GPR107: variants seen among roughly 807,000 people sequenced by gnomAD.
The protein encoded by GPR107 is G protein-coupled receptor 107.
A neutral mutation model predicts 75.5 loss-of-function variants in GPR107; 31 were observed. The observed-to-expected ratio is 0.41, with a 90% CI of 0.31 to 0.55. The LOEUF is 0.55. GPR107 is among the 20% of genes least tolerant of loss of function. GPR107 has a pLI of 0.26. For synonymous variants in GPR107, 267 were observed against 251.3 expected (o/e 1.06, Z -0.59); for missense variants, 572 against 665.7 (o/e 0.86, Z 1.55).
At chr9:130,101,043 A>G (rs1388673628) in intron 11 of GPR107, 63 bp from the exon 12 acceptor site, 23 of 928,356 alleles carry the variant, frequency 2.5e-5, no homozygotes, top group Non-Finnish European at 2.7e-5. Flanking sequence ...GAGCTATGCA[A>G]TCTAACTGGC....
Position 130,139,950 on chromosome 9 carries a change from AG to A in GPR107, c.*4832del, listed in dbSNP as rs77230245. ...ATCCAGAAATAGTTTCGTTTGAGGG[AG>A]GGCTTGCAGGTCTGTAAATAGCATT... is the stretch of plus-strand genomic sequence containing the variant. On this transcript the variant is annotated 3_prime_UTR_variant, in exon 18 of 18. Coordinates refer to ENST00000347136, the MANE Select transcript of GPR107 (RefSeq NM_020960.5). 6.6e-6 allele frequency: 1 copy of A among 152,182 alleles called. No individual in the cohort carries two copies. Among genetic ancestry groups the A allele is most frequent in the East Asian group, 1.9e-4 (1 of 5,194 alleles). The allele number at this position is 152,182 out of a possible 1,614,324, so 9.4% of individuals were successfully genotyped here.
chr9:130,077,787 G>A (rs1372521170), intron 4 of GPR107, among the ~76,000 whole-genome samples: 2 of 152,126 alleles, frequency 1.3e-5, no homozygotes, highest in East Asian at 1.9e-4. Flanking sequence ...CTGTGACTCC[G>A]GGCCTCAGTG....
At position 130,075,289 on chromosome 9, in the gene GPR107, A is replaced by G. The variant is rs147319216; in HGVS notation, c.142-347A>G. Among the ~76,000 whole-genome samples the G allele has an allele frequency of 7.7e-4, 106 of 136,988 alleles. 1 individual carries two copies. The highest frequency in any genetic ancestry group is 7.6e-3 in the East Asian group (36 of 4,764). 89.9% of individuals were successfully genotyped at this position (136,988 alleles called of 152,430 possible). On this transcript the variant is annotated intron_variant, in intron 1 of 17. Transcript: ENST00000347136. ...AGACAGAGTCTTGCTCCGTCACCCA[A>G]GCTAGAGTGCAGTGGCATGATCTCG...
In GPR107 at chr9:130,054,060, A is replaced by G. The variant is rs1270439363; in HGVS notation, c.128A>G (p.His43Arg). 4.5e-6 allele frequency: 7 copies of G among 1,552,644 alleles called. No individual in the cohort carries two copies. Among genetic ancestry groups the G allele is most frequent in the Non-Finnish European group, 6.1e-6 (7 of 1,148,038 alleles). ...LAEPGLGRVH[H>R]LALKDDVRHK... ...GAGCCTGGCCTGGGCCGCGTCCATC[A>G]CCTGGCACTCAAGGTAAAGCTTGGC... The change falls in exon 1 of 18, where the codon CAC (histidine) becomes CGC (arginine). Residue 43 changes from histidine (H) to arginine (R), a missense_variant. His to Arg is a conservative substitution (Grantham distance 29, BLOSUM62 0). Coordinates refer to ENST00000347136, the MANE Select transcript of GPR107 (RefSeq NM_020960.5).
Position 130,101,121 on chromosome 9 carries a change from A to G in GPR107, c.1029A>G (p.Leu343=). The G allele has an allele frequency of 3.1e-6, 5 of 1,601,230 alleles. No homozygotes were observed. Among genetic ancestry groups the G allele is most frequent in the Admixed American group, 1.7e-5 (1 of 59,976 alleles). The change falls in exon 12 of 18, where the codon CTA becomes CTG. Residue 343 remains leucine, a synonymous_variant. Coordinates refer to ENST00000347136, the MANE Select transcript of GPR107 (RefSeq NM_020960.5). ...TCTCTTCCAGTTTGAAAGGGGCGCT[A>G]CTCTTCATCACCATTGCACTCATTG... ...YYITHLLKGA[L]LFITIALIGT...
Position 130,139,680 on chromosome 9 carries a change from GA to G in GPR107, c.*4561del, listed in dbSNP as rs1832050242. On this transcript the variant is annotated 3_prime_UTR_variant, in exon 18 of 18. Coordinates refer to ENST00000347136, the MANE Select transcript of GPR107 (RefSeq NM_020960.5). ...GTTCTGGGCAGAGTCAGAATGGTCA[GA>G]ATGAAACAGAACAGCCAACTCACCC... 6.6e-6 allele frequency: 1 copy of G among 152,192 alleles called. No homozygotes were observed. The highest frequency in any genetic ancestry group is 6.5e-5 in the Admixed American group (1 of 15,270). 9.4% of individuals were successfully genotyped at this position (152,192 alleles called of 1,614,324 possible).
Position 130,131,038 on chromosome 9 carries a change from G to A in GPR107, c.1562+2277G>A, listed in dbSNP as rs150057899. 1.1e-3 allele frequency among the ~76,000 whole-genome samples: 174 copies of A among 152,330 alleles called. 1 individual carries two copies. Among genetic ancestry groups the A allele is most frequent in the African/African-American group, 4.0e-3 (166 of 41,592 alleles). ...AAGGAAAGGGGGTTACTGTTTAGAT[G>A]TCAAGGAAAGAACGCTTATCTGCGG... On this transcript the variant is annotated intron_variant, in intron 17 of 17. Coordinates refer to ENST00000347136, the MANE Select transcript of GPR107 (RefSeq NM_020960.5).
chr9:130,114,237 C>T (rs1273376683), intron 14 of GPR107, among the ~76,000 whole-genome samples: 5 of 133,138 alleles, frequency 3.8e-5, no homozygotes, highest in East Asian at 2.0e-4. Flanking sequence ...AGCGTGGTAG[C>T]GCACACCTGT....
At chr9:130,079,870 C>CCTG in intron 5 of GPR107, 101 bp downstream of exon 5, 1 of 657,808 alleles carries the variant, frequency 1.5e-6, no homozygotes, top group South Asian at 3.2e-5. Context: ...CTGTTGTCGT[C>CCTG]TTAGCATTAT....
chr9:130,104,374 C>CAG (rs1401006645), intron 12 of GPR107, 46 bp from the exon 13 acceptor site: 2 of 1,596,162 alleles, frequency 1.3e-6, no homozygotes, highest in Non-Finnish European at 1.7e-6. Flanking sequence ...AGCATCATAA[C>CAG]AGTCCACCCA....
At chr9:130,102,841 AGTG>A (rs1831068148) in intron 12 of GPR107, among the ~76,000 whole-genome samples, 1 of 152,208 alleles carries the variant, frequency 6.6e-6, no homozygotes, top group African/African-American at 2.4e-5. Flanking sequence ...GCTGGAGTAC[AGTG>A]GTGATCATGG....
chr9:130,087,178 C>T lies in GPR107; in HGVS notation c.621+702C>T, dbSNP rs540408179. ...TCAGCCTCCCAAGTAGTTGAGACTA[C>T]AGGCATAGACCACCATACCTGGCTA... On this transcript the variant is annotated intron_variant, in intron 7 of 17. Coordinates refer to ENST00000347136, the MANE Select transcript of GPR107 (RefSeq NM_020960.5). 2.0e-5 allele frequency among the ~76,000 whole-genome samples: 3 copies of T among 152,086 alleles called. No homozygotes were observed. The East Asian group carries it at 5.9e-4, about 30-fold the overall frequency.
chr9:130,069,322 C>T (rs1024641651), intron 1 of GPR107, among the ~76,000 whole-genome samples: 1 of 152,170 alleles, frequency 6.6e-6, no homozygotes, highest in Non-Finnish European at 1.5e-5. Context: ...GTGAAACAGG[C>T]ACCCTTTACC....
chr9:130,094,737 G>A (rs1395646425), intron 9 of GPR107, among the ~76,000 whole-genome samples: 1 of 151,802 alleles, frequency 6.6e-6, no homozygotes, highest in Non-Finnish European at 1.5e-5. Flanking sequence ...CTGGAGTGCA[G>A]TGGTGAGATT....
chr9:130,095,766 G>T (rs536286885), intron 9 of GPR107, among the ~76,000 whole-genome samples: 1 of 152,170 alleles, frequency 6.6e-6, no homozygotes, highest in Non-Finnish European at 1.5e-5. Context: ...TGTAATTTTT[G>T]TTGGAGTATA....
chr9:130,139,386 T>G lies in GPR107; in HGVS notation c.*4265T>G, dbSNP rs1259515460. ...ATACTTGTCACCACCTGGAACGTAG[T>G]TATCGGTCGGCAGGCTGAACATACT... is the stretch of plus-strand genomic sequence containing the variant. On this transcript the variant is annotated 3_prime_UTR_variant, in exon 18 of 18. Transcript: ENST00000347136. The G allele has an allele frequency of 6.6e-6, 1 of 152,218 alleles. No individual in the cohort carries two copies. Among genetic ancestry groups the G allele is most frequent in the Non-Finnish European group, 1.5e-5 (1 of 68,030 alleles). 9.4% of individuals were successfully genotyped at this position (152,218 alleles called of 1,614,324 possible). A position where few individuals can be genotyped will look rare whatever the true frequency, so the allele number is the denominator to read the frequency against.
intron 1 of GPR107, among the ~76,000 whole-genome samples, chr9:130,069,429 A>G (rs1830145166): frequency 1.3e-5 from 2 of 152,196 alleles, no homozygotes; most frequent in African/African-American, 4.8e-5. Context: ...ATAGGGTGGA[A>G]GTGGAGAAGG....
In GPR107 at chr9:130,120,897, A is replaced by C. The variant is rs564759220; in HGVS notation, c.1307-4018A>C. 2.6e-5 allele frequency: 4 copies of C among 151,568 alleles called. 1 individual carries two copies. The South Asian group carries it at 8.4e-4, about 32-fold the overall frequency. The allele number at this position is 151,568 out of a possible 1,614,324, so 9.4% of individuals were successfully genotyped here. On this transcript the variant is annotated intron_variant, in intron 14 of 17. Transcript: ENST00000347136. ...CTGCTCTTTCCCTTCTCACTGCTGC[A>C]GTTGACTAGTTTAAAAAACAAACAA... is the stretch of plus-strand genomic sequence containing the variant.
intron 7 of GPR107, among the ~76,000 whole-genome samples, chr9:130,088,209 C>A (rs1330004612): frequency 6.6e-6 from 1 of 152,144 alleles, no homozygotes. Context: ...TCTCTGATCT[C>A]AGCTCCTGTT....
Sources: gnomAD v4.1 joint callset for allele counts (sites outside exome capture counted in the v4.1 genomes callset) on GRCh38, gnomAD v4.1.1 for gene constraint, MANE v1.5 for transcripts, NCBI Gene and HGNC (gene_info 2026-07-23, HGNC 2026-07-21) for gene names.